FGD5: variants seen among roughly 807,000 people sequenced by gnomAD.
FGD5 encodes the protein FYVE, RhoGEF and PH domain-containing protein 5.
A neutral mutation model predicts 133.4 loss-of-function variants in FGD5; 28 were observed. That is an observed-to-expected ratio of 0.21 (90% CI 0.16 to 0.29). The LOEUF is 0.29. Ranked by LOEUF, FGD5 falls within the 10% of genes least tolerant of loss-of-function variation. The pLI, the probability that FGD5 is intolerant of heterozygous loss-of-function variation, is 1.00. For missense variants in FGD5, 1,858 were observed against 1,895.2 expected (o/e 0.98, Z 0.36); for synonymous variants, 810 against 776.5 (o/e 1.04, Z -0.72).
intron 1 of FGD5, 61 bp downstream of exon 1, chr3:14,821,657 G>C: frequency 2.0e-6 from 3 of 1,463,466 alleles, no homozygotes; most frequent in Non-Finnish European, 2.7e-6. Flanking sequence ...AGGCAGCGTG[G>C]GTGTGGGGGA....
chr3:14,927,183 C>T (rs1345960186), intron 18 of FGD5, among the ~76,000 whole-genome samples: 5 of 152,314 alleles, frequency 3.3e-5, no homozygotes, highest in South Asian at 4.1e-4. Context: ...TAGGCCTGAG[C>T]GGCTTGGGTA....
At chr3:14,875,112 G>T (rs1264139496) in intron 2 of FGD5, among the ~76,000 whole-genome samples, 6 of 152,116 alleles carry the variant, frequency 3.9e-5, no homozygotes, top group African/African-American at 1.4e-4. Context: ...GGTCCCCAGG[G>T]GACTTGGAGA....
Position 14,880,577 on chromosome 3 carries a change from A to G in FGD5, c.2664A>G (p.Glu888=). 6.2e-7 allele frequency: 1 copy of G among 1,613,858 alleles called. No individual in the cohort carries two copies. The highest frequency in any genetic ancestry group is 8.5e-7 in the Non-Finnish European group (1 of 1,179,842). ...TGCTCTCTTTCCTCCCACAGGTGGAAGGACAGTCCAGAGCCCTTGTCATCG... is the reference window on the plus strand; with the variant it reads ...TGCTCTCTTTCCTCCCACAGGTGGAGGGACAGTCCAGAGCCCTTGTCATCG... The part of the protein sequence containing the change: ...SRDPSVTHKV[E]GQSRALVIAQ... Residue 888 remains glutamate, a synonymous_variant, in exon 3 of 20, where the codon GAA becomes GAG. Coordinates refer to ENST00000285046, the MANE Select transcript of FGD5 (RefSeq NM_152536.4).
Position 14,866,281 on chromosome 3 carries a change from C to T in FGD5, c.2658+2021C>T, listed in dbSNP as rs372494724. The stretch of plus-strand genomic sequence containing the variant: ...AATGGGAACACAAATGTGAGAGTGC[C>T]GGCCATACAATAGGGGTGTAGTAAT... On this transcript the variant is annotated intron_variant, in intron 2 of 19. Coordinates refer to ENST00000285046, the MANE Select transcript of FGD5 (RefSeq NM_152536.4). Among the ~76,000 whole-genome samples, 86 of 152,224 alleles carry T rather than the reference C, an allele frequency of 5.6e-4. 1 individual carries two copies. In the South Asian group the frequency reaches 0.018, roughly 32 times the overall value.
At chr3:14,907,874 G>A (rs1041395451) in intron 10 of FGD5, among the ~76,000 whole-genome samples, 163 bp downstream of exon 10, 9 of 152,188 alleles carry the variant, frequency 5.9e-5, no homozygotes, top group African/African-American at 1.9e-4. Flanking sequence ...TCTCCTGGCC[G>A]CAGTCCTAGG....
At chr3:14,904,342 T>G (rs1374176504) in intron 9 of FGD5, among the ~76,000 whole-genome samples, 1 of 152,236 alleles carries the variant, frequency 6.6e-6, no homozygotes, top group Non-Finnish European at 1.5e-5. Context: ...CTAGTGTATC[T>G]AGTCATTATA....
intron 4 of FGD5, among the ~76,000 whole-genome samples, chr3:14,890,837 T>A (rs2038012675): frequency 6.6e-6 from 1 of 152,214 alleles, no homozygotes; most frequent in East Asian, 1.9e-4. Context: ...TTCTTCCTTT[T>A]CTCTCCCAGC....
At chr3:14,865,119 A>ACCCCCC (rs1216267069) in intron 2 of FGD5, among the ~76,000 whole-genome samples, 10 of 140,740 alleles carry the variant, frequency 7.1e-5, no homozygotes, top group Admixed American at 1.5e-4. Context: ...CCCCCACCCA[A>ACCCCCC]CCCACCCATC....
intron 11 of FGD5, among the ~76,000 whole-genome samples, chr3:14,912,354 A>G (rs1353480391): frequency 1.3e-5 from 2 of 152,090 alleles, no homozygotes; most frequent in Admixed American, 6.5e-5. Flanking sequence ...CTTTCCTCCC[A>G]TGAGAACCCC....
At chr3:14,909,740 A>ACTTTTCTTTT (rs776241520) in intron 10 of FGD5, among the ~76,000 whole-genome samples, 1 of 150,330 alleles carries the variant, frequency 6.7e-6, no homozygotes, top group Non-Finnish European at 1.5e-5. Flanking sequence ...GTGATAATGC[A>ACTTTTCTTTT]CTTTTCTTTT....
Position 14,901,209 on chromosome 3 carries a change from T to C in FGD5, c.3264+148T>C. ...TCTGCAGAGAGCCGTGGGTTCTGGC[T>C]CTGACTCTTGATGTGTGACCTCAGG... On this transcript the variant is annotated intron_variant, in intron 9 of 19. Coordinates refer to ENST00000285046, the MANE Select transcript of FGD5 (RefSeq NM_152536.4). 5 of 833,238 alleles carry C rather than the reference T, an allele frequency of 6.0e-6. No individual in the cohort carries two copies. In the South Asian group the frequency reaches 7.7e-5, roughly 13 times the overall value. 51.6% of individuals were successfully genotyped at this position (833,238 alleles called of 1,614,324 possible). A position where few individuals can be genotyped will look rare whatever the true frequency, so the allele number is the denominator to read the frequency against.
chr3:14,850,157 G>A (rs981261633), intron 1 of FGD5, among the ~76,000 whole-genome samples: 3 of 152,188 alleles, frequency 2.0e-5, no homozygotes, highest in Non-Finnish European at 4.4e-5. Context: ...GACTCCCAGA[G>A]CGGAGGTTGC....
intron 18 of FGD5, chr3:14,932,363 G>A (rs369865979): frequency 5.4e-5 from 28 of 513,946 alleles, no homozygotes; most frequent in Admixed American, 4.1e-4. Context: ...GATTACAGGC[G>A]TGAGCCACCA....
At chr3:14,856,831 G>A (rs2125099044) in intron 1 of FGD5, among the ~76,000 whole-genome samples, 1 of 152,270 alleles carries the variant, frequency 6.6e-6, no homozygotes, top group South Asian at 2.1e-4. Flanking sequence ...TCTGCAAACA[G>A]GGACAGTTTG....
upstream of FGD5, among the ~76,000 whole-genome samples, chr3:14,814,613 A>T (rs1245472639): frequency 6.6e-6 from 1 of 152,046 alleles, no homozygotes; most frequent in African/African-American, 2.4e-5. Flanking sequence ...GTCCACACTC[A>T]TGCCTCTGGT....
chr3:14,901,097 A>G, intron 9 of FGD5, 36 bp downstream of exon 9: 2 of 1,611,820 alleles, frequency 1.2e-6, no homozygotes, highest in Non-Finnish European at 8.5e-7. Context: ...CCTCAGACAC[A>G]GGTTCCAGGC....
intron 7 of FGD5, among the ~76,000 whole-genome samples, chr3:14,899,179 C>T (rs1455300896): frequency 2.0e-5 from 3 of 152,144 alleles, no homozygotes; most frequent in Non-Finnish European, 4.4e-5. Flanking sequence ...CATTTTCAGC[C>T]TTGGACCTGC....
intron 11 of FGD5, among the ~76,000 whole-genome samples, chr3:14,915,574 T>C (rs113966335): frequency 1.8e-4 from 28 of 152,332 alleles, no homozygotes; most frequent in African/African-American, 4.8e-4. Flanking sequence ...GGGCTCTCTC[T>C]GGTTCATGTT....
chr3:14,817,377 G>T (rs535637670), upstream of FGD5, among the ~76,000 whole-genome samples: 1 of 152,156 alleles, frequency 6.6e-6, no homozygotes, highest in Admixed American at 6.5e-5. Context: ...TGTGTTTTTA[G>T]TAGAGACGGG....
Sources: gnomAD v4.1 joint callset for allele counts (sites outside exome capture counted in the v4.1 genomes callset) on GRCh38, gnomAD v4.1.1 for gene constraint, MANE v1.5 for transcripts, NCBI Gene and HGNC (gene_info 2026-07-23, HGNC 2026-07-21) for gene names.